The following DLEU7 variants were observed in gnomAD, a reference collection of about 807,000 sequenced individuals.
DLEU7 encodes leukemia-associated protein 7.
Under a neutral mutation model 16.0 loss-of-function variants are expected in DLEU7, and 17 were observed. That is an observed-to-expected ratio of 1.06 (90% confidence interval 0.73 to 1.59). DLEU7 has a LOEUF of 1.59. DLEU7 is among the 40% of genes most tolerant of loss of function. The pLI, the probability that DLEU7 is intolerant of heterozygous loss-of-function variation, is 0.00. For synonymous variants in DLEU7, 113 were observed against 139.8 expected (o/e 0.81, Z 1.35); for missense variants, 308 against 314.9 (o/e 0.98, Z 0.17).
intron 1 of DLEU7, among the ~76,000 whole-genome samples, chr13:50,753,672 C>G (rs1174695356): frequency 6.6e-6 from 1 of 152,174 alleles, no homozygotes; most frequent in Non-Finnish European, 1.5e-5. Flanking sequence ...AGCCCCAGTT[C>G]CCACTCAGGC....
At chr13:50,758,517 C>T (rs777287438) in intron 1 of DLEU7, among the ~76,000 whole-genome samples, 21 of 152,194 alleles carry the variant, frequency 1.4e-4, no homozygotes, top group Non-Finnish European at 2.5e-4. Context: ...GTGCCTCTGG[C>T]TCAGTAGCTT....
intron 1 of DLEU7, among the ~76,000 whole-genome samples, chr13:50,814,039 T>G (rs1465692338): frequency 1.3e-5 from 2 of 152,186 alleles, no homozygotes; most frequent in Non-Finnish European, 2.9e-5. Flanking sequence ...TGCTTTCACT[T>G]CAACCACTTA....
At chr13:50,745,574 T>A (rs74081118) in intron 1 of DLEU7, among the ~76,000 whole-genome samples, 12,587 of 152,208 alleles carry the variant, frequency 0.083, 1,691 homozygotes, top group African/African-American at 0.28. Context: ...TAAAAAAGAA[T>A]AAATATATAC....
intron 1 of DLEU7, among the ~76,000 whole-genome samples, chr13:50,837,985 G>C (rs8000318): frequency 4.6e-5 from 7 of 151,896 alleles, no homozygotes; most frequent in Admixed American, 2.0e-4. Flanking sequence ...AAGGGTCAGC[G>C]GAAAGGGGGC....
chr13:50,726,902 T>C lies in DLEU7; in HGVS notation c.460-13662A>G, dbSNP rs1873775973. Among the ~76,000 whole-genome samples, 1 of 152,218 alleles carries C rather than the reference T, an allele frequency of 6.6e-6. No homozygotes were observed. Among genetic ancestry groups the C allele is most frequent in the Admixed American group, 6.5e-5 (1 of 15,278 alleles). On this transcript the variant is annotated intron_variant, in intron 1 of 1. Transcript: ENST00000400393. The surrounding 1 kb of genome is among the most constrained non-coding windows in gnomAD (Gnocchi z 4.0). ...GACACATGCCAATTAATCCAGTTAATCTTTTTCTTATCAGCAAGAGGCAAG... is the reference window on the plus strand; with the variant it reads ...GACACATGCCAATTAATCCAGTTAACCTTTTTCTTATCAGCAAGAGGCAAG...
At chr13:50,778,653 A>G (rs1450881336) in intron 1 of DLEU7, among the ~76,000 whole-genome samples, 1 of 152,254 alleles carries the variant, frequency 6.6e-6, no homozygotes, top group Non-Finnish European at 1.5e-5. Flanking sequence ...GAATAGCATT[A>G]TGATCTCCAC....
At chr13:50,738,917 A>G (rs555750154) in intron 1 of DLEU7, among the ~76,000 whole-genome samples, 17 of 150,112 alleles carry the variant, frequency 1.1e-4, no homozygotes, top group Non-Finnish European at 2.2e-4. Context: ...CTACCTCTCT[A>G]TCCTCATTCT....
chr13:50,768,146 G>T lies in DLEU7; in HGVS notation c.460-54906C>A, dbSNP rs1875175902. On this transcript the variant is annotated intron_variant, in intron 1 of 1. Coordinates refer to the DLEU7 transcript ENST00000400393. ...CAAAGAACATCTGTGAGGCTTTCCG[G>T]TAATATGGGTCTGCTGGCAACAAAT... is the stretch of plus-strand genomic sequence containing the variant. 2.0e-5 allele frequency among the ~76,000 whole-genome samples: 3 copies of T among 152,062 alleles called. No individual in the cohort carries two copies. The South Asian group carries it at 6.2e-4, about 32-fold the overall frequency.
chr13:50,822,075 C>T (rs569076824), downstream of DLEU7, among the ~76,000 whole-genome samples: 323 of 152,130 alleles, frequency 2.1e-3, 1 homozygote, highest in African/African-American at 7.3e-3. Context: ...CACACACACA[C>T]GCATGCACAC....
chr13:50,735,424 A>C (rs1269444150), intron 1 of DLEU7, among the ~76,000 whole-genome samples: 1 of 152,172 alleles, frequency 6.6e-6, no homozygotes, highest in Admixed American at 6.6e-5. Context: ...AAATTAAACA[A>C]TATAAAATTG....
intron 1 of DLEU7, among the ~76,000 whole-genome samples, chr13:50,756,727 G>A (rs995730989): frequency 6.6e-6 from 1 of 152,108 alleles, no homozygotes; most frequent in South Asian, 2.1e-4. Context: ...CTGATTTCCG[G>A]CCAGGAAGCT....
chr13:50,828,931 C>G (rs1356253912), intron 1 of DLEU7, among the ~76,000 whole-genome samples: 1 of 152,170 alleles, frequency 6.6e-6, no homozygotes, highest in African/African-American at 2.4e-5. Context: ...TGCTTCCCTA[C>G]CTTTGTGTGT....
intron 1 of DLEU7, among the ~76,000 whole-genome samples, chr13:50,714,668 GAC>G (rs374738111): frequency 6.0e-4 from 92 of 152,234 alleles, no homozygotes; most frequent in African/African-American, 1.9e-3. Flanking sequence ...GATTTCATGA[GAC>G]AGAGCTTTCA....
chr13:50,726,576 G>A lies in DLEU7; in HGVS notation c.460-13336C>T. On this transcript the variant is annotated intron_variant, in intron 1 of 1. Coordinates refer to the DLEU7 transcript ENST00000400393. This position sits in a 1 kb window ranked among gnomAD's most constrained non-coding sequence, Gnocchi z 4.0. ...AATTCACAATGTTTGAAAAAAATAG[G>A]TTGAGACACTTTCTGAAAGGTTTTC... Among the ~76,000 whole-genome samples, 1 of 152,194 alleles carries A rather than the reference G, an allele frequency of 6.6e-6. No homozygotes were observed. The highest frequency in any genetic ancestry group is 1.5e-5 in the Non-Finnish European group (1 of 68,034).
chr13:50,725,139 A>G (rs371199652), intron 1 of DLEU7, among the ~76,000 whole-genome samples: 1 of 152,130 alleles, frequency 6.6e-6, no homozygotes, highest in East Asian at 1.9e-4. Flanking sequence ...TGGTGCCAGC[A>G]GTGACCTACC....
intron 1 of DLEU7, among the ~76,000 whole-genome samples, chr13:50,752,366 G>T (rs573957954): frequency 2.0e-5 from 3 of 152,030 alleles, no homozygotes; most frequent in African/African-American, 7.2e-5. Context: ...TAGTCTTTTT[G>T]ATGTAGGCGT....
intron 1 of DLEU7, among the ~76,000 whole-genome samples, chr13:50,810,745 G>T (rs1027971341): frequency 1.1e-4 from 17 of 152,144 alleles, no homozygotes; most frequent in Non-Finnish European, 2.1e-4. Flanking sequence ...TATAAGTGTT[G>T]TTAAAGGGGC....
At chr13:50,753,960 A>T (rs944830999) in intron 1 of DLEU7, among the ~76,000 whole-genome samples, 1 of 152,200 alleles carries the variant, frequency 6.6e-6, no homozygotes, top group Non-Finnish European at 1.5e-5. Context: ...AGGTTATTTA[A>T]TTTCCATGTA....
chr13:50,821,340 G>T (rs1255830266), downstream of DLEU7, among the ~76,000 whole-genome samples: 1 of 151,894 alleles, frequency 6.6e-6, no homozygotes, highest in African/African-American at 2.4e-5. Flanking sequence ...TGGGGGAGGG[G>T]TGTAAAAAGG....
Sources: gnomAD v4.1 joint callset for allele counts (sites outside exome capture counted in the v4.1 genomes callset) on GRCh38, gnomAD v4.1.1 for gene constraint, Gnocchi (gnomAD v3.1) non-coding constraint, MANE v1.5 for transcripts, NCBI Gene and HGNC (gene_info 2026-07-23, HGNC 2026-07-21) for gene names.